Variants in RAP1GDS1 observed in about 807,000 individuals in gnomAD.
RAP1GDS1 encodes the protein RAP1, GTP-GDP dissociation stimulator 1.
A neutral mutation model predicts 71.1 loss-of-function variants in RAP1GDS1; 35 were observed. That is an observed-to-expected ratio of 0.49 (90% CI 0.38 to 0.65). The LOEUF is 0.65. Among genes scored for constraint, RAP1GDS1 ranks in the 30% least tolerant of loss-of-function variants. The pLI is 0.00. For synonymous variants in RAP1GDS1, 229 were observed against 243.1 expected (o/e 0.94, Z 0.54); for missense variants, 663 against 706.1 (o/e 0.94, Z 0.69).
At position 98,418,761 on chromosome 4, in the gene RAP1GDS1, C is replaced by T. The variant is rs1266147730; in HGVS notation, c.1144C>T (p.Leu382=). ...AAATGTAACAGTACAGCATGCAGCA[C>T]TAAGTGCCCTCAGAAACCTGGCCAT... ...DGNVTVQHAA[L]SALRNLAIPV... The change falls in exon 10 of 15, where the codon CTA becomes TTA. Residue 382 remains leucine (L), a synonymous_variant. Transcript: ENST00000408927. 1.6e-5 allele frequency: 26 copies of T among 1,600,082 alleles called. No individual in the cohort carries two copies. The highest frequency in any genetic ancestry group is 3.3e-4 in the Middle Eastern group (2 of 6,034).
intron 1 of RAP1GDS1, among the ~76,000 whole-genome samples, chr4:98,289,727 C>A (rs1211925646): frequency 6.6e-6 from 1 of 152,020 alleles, no homozygotes; most frequent in Non-Finnish European, 1.5e-5. Flanking sequence ...CTGTCAGATA[C>A]TAAACCCTTT....
chr4:98,292,618 A>G (rs1727136739), intron 1 of RAP1GDS1, among the ~76,000 whole-genome samples: 1 of 152,062 alleles, frequency 6.6e-6, no homozygotes, highest in Non-Finnish European at 1.5e-5. Flanking sequence ...TTTGTTAGGA[A>G]ATAATTTTTT....
At chr4:98,378,907 A>T in intron 4 of RAP1GDS1, 110 bp from the exon 5 acceptor site, 3 of 1,074,470 alleles carry the variant, frequency 2.8e-6, no homozygotes, top group Non-Finnish European at 3.8e-6. Context: ...GCCTAGGTTT[A>T]TTTTCTATTT....
At chr4:98,306,231 ATAG>A (rs1729308035) in intron 2 of RAP1GDS1, among the ~76,000 whole-genome samples, 1 of 152,160 alleles carries the variant, frequency 6.6e-6, no homozygotes, top group Non-Finnish European at 1.5e-5. Context: ...TATATTACAA[ATAG>A]TAGAGATTTA....
chr4:98,315,534 T>C (rs1030866456), intron 2 of RAP1GDS1, among the ~76,000 whole-genome samples: 2 of 152,090 alleles, frequency 1.3e-5, no homozygotes, highest in African/African-American at 4.8e-5. Flanking sequence ...CTGAGGATTA[T>C]GGGAAGAACA....
intron 5 of RAP1GDS1, among the ~76,000 whole-genome samples, chr4:98,387,908 A>G (rs1284066552): frequency 6.6e-6 from 1 of 152,168 alleles, no homozygotes; most frequent in African/African-American, 2.4e-5. Context: ...TGCCTAATGT[A>G]TCTAGAGAAC....
At chr4:98,264,444 G>A (rs541102459) in intron 1 of RAP1GDS1, among the ~76,000 whole-genome samples, 3 of 152,226 alleles carry the variant, frequency 2.0e-5, no homozygotes, top group Admixed American at 2.0e-4. Flanking sequence ...TCCTACACAA[G>A]AGAGTGAAAG....
intron 4 of RAP1GDS1, among the ~76,000 whole-genome samples, chr4:98,377,629 T>TAA (rs1741352080): frequency 2.0e-5 from 1 of 49,220 alleles, no homozygotes; most frequent in Non-Finnish European, 3.5e-5. Flanking sequence ...ACTATATAAT[T>TAA]GTGTGTGTGT....
At chr4:98,354,055 CTTT>C (rs895411941) in intron 4 of RAP1GDS1, among the ~76,000 whole-genome samples, 1 of 134,952 alleles carries the variant, frequency 7.4e-6, no homozygotes. Flanking sequence ...CAAAAGTATT[CTTT>C]TTTTTTTTTT....
chr4:98,377,628 TTG>T (rs58691883), intron 4 of RAP1GDS1, among the ~76,000 whole-genome samples: 7,272 of 149,176 alleles, frequency 0.049, 226 homozygotes, highest in Non-Finnish European at 0.074. Context: ...TACTATATAA[TTG>T]TGTGTGTGTG....
chr4:98,406,312 T>C (rs1283791628), intron 7 of RAP1GDS1, among the ~76,000 whole-genome samples: 2 of 151,970 alleles, frequency 1.3e-5, no homozygotes, highest in African/African-American at 2.4e-5. Context: ...GCAATACTTA[T>C]TAAATATGAG....
intron 5 of RAP1GDS1, among the ~76,000 whole-genome samples, chr4:98,383,086 A>G (rs1323981312): frequency 2.0e-5 from 3 of 151,714 alleles, no homozygotes; most frequent in African/African-American, 7.2e-5. Flanking sequence ...CTTGTTGACA[A>G]ATCTATTGGT....
intron 1 of RAP1GDS1, among the ~76,000 whole-genome samples, chr4:98,264,361 A>C (rs1422200673): frequency 6.6e-6 from 1 of 152,062 alleles, no homozygotes; most frequent in Non-Finnish European, 1.5e-5. Flanking sequence ...ATGCCATTGC[A>C]CTCCAGCCTG....
chr4:98,350,851 T>G (rs937524584), intron 3 of RAP1GDS1, among the ~76,000 whole-genome samples: 2 of 151,788 alleles, frequency 1.3e-5, no homozygotes, highest in African/African-American at 4.8e-5. Context: ...AATAAATACA[T>G]AAATAAAATT....
intron 1 of RAP1GDS1, among the ~76,000 whole-genome samples, chr4:98,279,514 C>T (rs1366541333): frequency 1.3e-5 from 2 of 148,396 alleles, no homozygotes; most frequent in Non-Finnish European, 3.0e-5. Flanking sequence ...TTTTTTGTGA[C>T]CCAGAATAAT....
intron 2 of RAP1GDS1, among the ~76,000 whole-genome samples, chr4:98,341,605 G>A (rs1232036968): frequency 6.6e-6 from 1 of 152,124 alleles, no homozygotes; most frequent in Non-Finnish European, 1.5e-5. Flanking sequence ...TAGACCCCTG[G>A]GGCAGTATGA....
intron 4 of RAP1GDS1, among the ~76,000 whole-genome samples, chr4:98,354,151 T>C (rs1737615973): frequency 6.7e-6 from 1 of 150,256 alleles, no homozygotes; most frequent in South Asian, 2.1e-4. Context: ...CAAGCTCCGC[T>C]TCCCGGGTTC....
At chr4:98,345,577 A>G (rs1736113029) in intron 3 of RAP1GDS1, among the ~76,000 whole-genome samples, 1 of 152,226 alleles carries the variant, frequency 6.6e-6, no homozygotes, top group Admixed American at 6.5e-5. Flanking sequence ...GATATGACAT[A>G]TCTGTGAATA....
At chr4:98,320,406 T>A (rs1481357830) in intron 2 of RAP1GDS1, among the ~76,000 whole-genome samples, 3 of 152,144 alleles carry the variant, frequency 2.0e-5, no homozygotes, top group African/African-American at 4.8e-5. Context: ...GTTACGTGAT[T>A]CTCTTTTCAG....
Sources: allele counts gnomAD v4.1 joint callset (sites outside exome capture counted in the v4.1 genomes callset), GRCh38; gene constraint gnomAD v4.1.1; transcripts MANE v1.5; gene names NCBI Gene and HGNC (gene_info 2026-07-23, HGNC 2026-07-21).